Variants in DNAH9 observed in about 807,000 individuals in gnomAD.
DNAH9 encodes dynein axonemal heavy chain 9.
In DNAH9, 345 loss-of-function variants were observed where a neutral mutation model predicts 471.6. The observed-to-expected ratio is 0.73, with a 90% confidence interval of 0.67 to 0.80. The LOEUF (loss-of-function observed/expected upper bound fraction) is 0.80. DNAH9 is among the 30% of genes least tolerant of loss of function. The probability of loss-of-function intolerance (pLI) is 0.00; values close to 1 mark genes in which losing one functional copy is unlikely to be tolerated. For synonymous variants in DNAH9, 2,093 were observed against 2,123.6 expected (o/e 0.99, Z 0.40); for missense variants, 5,407 against 5,609.2 (o/e 0.96, Z 1.15).
chr17:11,710,222 G>A (rs946587435), intron 26 of DNAH9, among the ~76,000 whole-genome samples: 22 of 151,850 alleles, frequency 1.4e-4, no homozygotes, highest in Non-Finnish European at 2.6e-4. Context: ...CACTCTAATG[G>A]CTGAATTATA....
intron 45 of DNAH9, among the ~76,000 whole-genome samples, chr17:11,816,491 G>T (rs1970101470): frequency 6.6e-6 from 1 of 152,194 alleles, no homozygotes; most frequent in African/African-American, 2.4e-5. Context: ...TTTTCCAGCA[G>T]TGAAGACAAA....
intron 11 of DNAH9, among the ~76,000 whole-genome samples, chr17:11,645,426 G>A (rs1403323862): frequency 6.6e-6 from 1 of 152,170 alleles, no homozygotes; most frequent in African/African-American, 2.4e-5. Context: ...TCTCCAGGCT[G>A]AACTGCTGCA....
chr17:11,854,856 G>A (rs142656426), intron 50 of DNAH9, among the ~76,000 whole-genome samples: 8 of 152,266 alleles, frequency 5.3e-5, no homozygotes, highest in African/African-American at 1.9e-4. Flanking sequence ...GTGGAAGTTC[G>A]TTAAAGCAAG....
Position 11,598,806 on chromosome 17 carries a change from TC to T in DNAH9, c.310del (p.Leu104PhefsTer30). On this transcript the variant is annotated frameshift_variant, in exon 1 of 69. Transcript: ENST00000262442. LOFTEE classifies it high-confidence loss of function. ...SGLAGAKALF[F>X]LRTGPEPPGP... ...CTGGCTGGCGCTAAGGCGCTTTTTT[TC>T]CTTCGCACCGGGCCCGAGCCTCCAG... is the stretch of plus-strand genomic sequence containing the variant. The T allele has an allele frequency of 2.0e-6, 3 of 1,480,536 alleles. No individual in the cohort carries two copies. Among genetic ancestry groups the T allele is most frequent in the Non-Finnish European group, 2.7e-6 (3 of 1,119,576 alleles). 91.7% of individuals were successfully genotyped at this position (1,480,536 alleles called of 1,614,324 possible). A position where few individuals can be genotyped will look rare whatever the true frequency, so the allele number is the denominator to read the frequency against.
chr17:11,756,691 G>C lies in DNAH9; in HGVS notation c.6847+15G>C. 1 of 1,525,786 alleles carries C rather than the reference G, an allele frequency of 6.6e-7. No homozygotes were observed. The allele number at this position is 1,525,786 out of a possible 1,614,324, so 94.5% of individuals were successfully genotyped here. A position where few individuals can be genotyped will look rare whatever the true frequency, so the allele number is the denominator to read the frequency against. The stretch of plus-strand genomic sequence containing the variant: ...CTCTAGAGCAGGTACGGCCCAAGAA[G>C]GGAAGAACCACAAAGCTACTCCACT... On this transcript the variant is annotated intron_variant, in intron 34 of 68. Transcript: ENST00000262442.
At chr17:11,834,352 AG>A (rs1292215892) in intron 48 of DNAH9, among the ~76,000 whole-genome samples, 7 of 150,624 alleles carry the variant, frequency 4.6e-5, no homozygotes, top group African/African-American at 1.7e-4. Flanking sequence ...AAAAAAAAGA[AG>A]AAGAAGAAAT....
chr17:11,836,624 G>A (rs763822480), intron 49 of DNAH9, among the ~76,000 whole-genome samples: 16 of 152,112 alleles, frequency 1.1e-4, no homozygotes, highest in African/African-American at 3.6e-4. Context: ...CTGCTCACCT[G>A]TAGGCCTTTA....
intron 19 of DNAH9, among the ~76,000 whole-genome samples, chr17:11,684,983 G>A (rs1407586562): frequency 2.6e-5 from 4 of 152,208 alleles, no homozygotes; most frequent in African/African-American, 9.7e-5. Flanking sequence ...CTCATTCACA[G>A]GATTTAGGCT....
At chr17:11,622,892 G>A (rs912223996) in intron 6 of DNAH9, among the ~76,000 whole-genome samples, 4 of 151,776 alleles carry the variant, frequency 2.6e-5, no homozygotes, top group Non-Finnish European at 5.9e-5. Flanking sequence ...ATTCTCTTAC[G>A]TGTCGTTCTG....
intron 30 of DNAH9, among the ~76,000 whole-genome samples, chr17:11,743,428 C>T (rs951222451): frequency 6.6e-6 from 1 of 152,282 alleles, no homozygotes; most frequent in Non-Finnish European, 1.5e-5. Flanking sequence ...CTTCTAATTC[C>T]TCAGATCTGT....
chr17:11,880,157 G>C lies in DNAH9; in HGVS notation c.10558G>C (p.Val3520Leu), dbSNP rs1474614199. 1.9e-6 allele frequency: 3 copies of C among 1,614,016 alleles called. No individual in the cohort carries two copies. The highest frequency in any genetic ancestry group is 2.2e-5 in the South Asian group (2 of 91,068). ...AAATCTAGAGGAGTCCATTGATCCT[G>C]TTCTGGGACCCCTGCTTGGGAGAGA... ...IENLEESIDPVLGPLLGREVI... is the reference protein window; with the variant it reads ...IENLEESIDPLLGPLLGREVI... The change falls in exon 54 of 69, where the codon GTT becomes CTT. Residue 3520 changes from valine (V) to leucine (L), a missense_variant. By Grantham distance (32) the Val-to-Leu change is conservative. Transcript: ENST00000262442.
intron 27 of DNAH9, 56 bp from the exon 28 acceptor site, chr17:11,727,762 C>G: frequency 8.4e-7 from 1 of 1,187,664 alleles, no homozygotes; most frequent in Non-Finnish European, 1.3e-6. Flanking sequence ...ATGGCTTCAA[C>G]ATGTATTGAT....
At chr17:11,714,594 G>A (rs942261734) in intron 26 of DNAH9, among the ~76,000 whole-genome samples, 1 of 152,122 alleles carries the variant, frequency 6.6e-6, no homozygotes, top group Non-Finnish European at 1.5e-5. Flanking sequence ...TAAAAACTGT[G>A]ACTGTGATGA....
At chr17:11,786,625 T>G (rs992145406) in intron 41 of DNAH9, among the ~76,000 whole-genome samples, 3 of 152,194 alleles carry the variant, frequency 2.0e-5, no homozygotes, top group African/African-American at 7.2e-5. Context: ...CAAATCAGTC[T>G]CTTGAGCGTG....
intron 48 of DNAH9, among the ~76,000 whole-genome samples, chr17:11,833,656 C>A (rs1033160994): frequency 1.3e-5 from 2 of 152,138 alleles, no homozygotes; most frequent in South Asian, 2.1e-4. Flanking sequence ...TTTTGTTTGT[C>A]TTCCTGCAAT....
In DNAH9 at chr17:11,598,749, GC is replaced by G; in HGVS notation, c.255del (p.Leu87TrpfsTer47). 2.1e-6 allele frequency: 3 copies of G among 1,422,908 alleles called. No homozygotes were observed. Among genetic ancestry groups the G allele is most frequent in the East Asian group, 3.0e-5 (1 of 33,656 alleles). The allele number at this position is 1,422,908 out of a possible 1,614,324, so 88.1% of individuals were successfully genotyped here. A position where few individuals can be genotyped will look rare whatever the true frequency, so the allele number is the denominator to read the frequency against. Reference protein sequence around the residue: ...VRPGPRGLAIRPGLEVGPESG... With the variant: ...VRPGPRGLAIXPGLEVGPESG... ...CCCGGGCCCAGGGGCCTGGCAATAC[GC>G]CCCGGGCTGGAGGTGGGACCTGAGT... On this transcript the variant is annotated frameshift_variant, in exon 1 of 69. Transcript: ENST00000262442. LOFTEE classifies it high-confidence loss of function.
chr17:11,638,369 A>C (rs1441130537), intron 9 of DNAH9, among the ~76,000 whole-genome samples: 2 of 151,542 alleles, frequency 1.3e-5, no homozygotes, highest in East Asian at 3.9e-4. Flanking sequence ...TTAAAACACC[A>C]CCATCCATCT....
chr17:11,958,463 T>C lies in DNAH9; in HGVS notation c.12844-3404T>C, dbSNP rs192439699. Among the ~76,000 whole-genome samples the C allele has an allele frequency of 4.2e-3, 647 of 152,356 alleles. 7 individuals are homozygous for C. The highest frequency in any genetic ancestry group is 0.014 in the South Asian group (69 of 4,828). On this transcript the variant is annotated intron_variant, in intron 67 of 68. Transcript: ENST00000262442. ...ATGGTGGATACGTGGCATTAAACTG[T>C]AATGATACAATATGATACTGTAATG... is the stretch of plus-strand genomic sequence containing the variant.
chr17:11,711,611 C>A (rs2074828332), intron 26 of DNAH9, among the ~76,000 whole-genome samples: 1 of 151,266 alleles, frequency 6.6e-6, no homozygotes, highest in Non-Finnish European at 1.5e-5. Flanking sequence ...TTTCCACTTT[C>A]TTTTTTTTAG....
Sources: gnomAD v4.1 joint callset for allele counts (sites outside exome capture counted in the v4.1 genomes callset) on GRCh38, gnomAD v4.1.1 for gene constraint, MANE v1.5 for transcripts, NCBI Gene and HGNC (gene_info 2026-07-23, HGNC 2026-07-21) for gene names.